Variants in CNTN5 observed in about 807,000 individuals in gnomAD.
CNTN5 encodes the protein contactin-5.
A neutral mutation model predicts 129.1 loss-of-function variants in CNTN5; 77 were observed. The ratio of observed to expected loss-of-function variants is 0.60; its 90% confidence interval spans 0.50 to 0.72. CNTN5 has a LOEUF of 0.72. CNTN5 is among the 30% of genes least tolerant of loss of function. The pLI, the probability that CNTN5 is intolerant of heterozygous loss-of-function variation, is 0.00. For synonymous variants in CNTN5, 509 were observed against 465.6 expected (o/e 1.09, Z -1.20); for missense variants, 1,478 against 1,328.8 (o/e 1.11, Z -1.75).
intron 1 of CNTN5, among the ~76,000 whole-genome samples, chr11:99,053,522 A>G (rs777521348): frequency 2.6e-5 from 4 of 151,822 alleles, no homozygotes; most frequent in Non-Finnish European, 4.4e-5. Context: ...CAGCTGTGGG[A>G]TCCCTGGTCT....
At chr11:99,982,382 A>G (rs1291978840) in intron 8 of CNTN5, among the ~76,000 whole-genome samples, 6 of 152,222 alleles carry the variant, frequency 3.9e-5, no homozygotes, top group African/African-American at 7.2e-5. Flanking sequence ...ATATGAAGTC[A>G]AAGTATAGAA....
chr11:99,999,042 C>G (rs1178264771), intron 8 of CNTN5, among the ~76,000 whole-genome samples: 2 of 152,150 alleles, frequency 1.3e-5, no homozygotes, highest in South Asian at 2.1e-4. Context: ...AGACCTAAAA[C>G]CATAAAAACC....
At chr11:99,451,237 A>T (rs1292236691) in intron 2 of CNTN5, among the ~76,000 whole-genome samples, 5 of 152,148 alleles carry the variant, frequency 3.3e-5, no homozygotes, top group African/African-American at 1.2e-4. Context: ...TATTGCAAAT[A>T]GTTGTTTTCA....
intron 3 of CNTN5, among the ~76,000 whole-genome samples, chr11:99,642,679 C>A (rs1364403205): frequency 6.6e-6 from 1 of 152,108 alleles, no homozygotes; most frequent in African/African-American, 2.4e-5. Flanking sequence ...CGCTACTGTA[C>A]AGAACACCAA....
chr11:99,092,434 C>T (rs1171281140), intron 1 of CNTN5, among the ~76,000 whole-genome samples: 2 of 152,004 alleles, frequency 1.3e-5, no homozygotes, highest in African/African-American at 2.4e-5. Flanking sequence ...TAGTTTATCA[C>T]ACTTAAGAGT....
At chr11:99,180,988 C>T (rs1444090262) in intron 1 of CNTN5, among the ~76,000 whole-genome samples, 1 of 152,204 alleles carries the variant, frequency 6.6e-6, no homozygotes, top group Non-Finnish European at 1.5e-5. Context: ...CTTATAACAA[C>T]GTAAGTCCAG....
chr11:99,197,763 T>C (rs1858976571), intron 1 of CNTN5, among the ~76,000 whole-genome samples: 1 of 152,100 alleles, frequency 6.6e-6, no homozygotes, highest in Non-Finnish European at 1.5e-5. Flanking sequence ...GATTGAAGTT[T>C]ATCCCAATTC....
chr11:99,205,381 CAA>C (rs771831302), intron 1 of CNTN5, among the ~76,000 whole-genome samples: 61 of 152,110 alleles, frequency 4.0e-4, no homozygotes, highest in Non-Finnish European at 7.6e-4. Context: ...GGTTTGCTCT[CAA>C]GACCCAGAGC....
intron 15 of CNTN5, among the ~76,000 whole-genome samples, chr11:100,217,077 T>C (rs991035062): frequency 4.6e-5 from 7 of 152,176 alleles, no homozygotes; most frequent in Admixed American, 2.6e-4. Flanking sequence ...ACTAAAATCA[T>C]TTTTTTCTGC....
At chr11:99,573,565 C>A (rs73539123) in intron 3 of CNTN5, among the ~76,000 whole-genome samples, 8,801 of 141,332 alleles carry the variant, frequency 0.062, 539 homozygotes, top group East Asian at 0.3. Context: ...CAGAGTGAGA[C>A]TCCGTCTCAA....
At chr11:100,260,379 G>T (rs961349614) in intron 17 of CNTN5, among the ~76,000 whole-genome samples, 10 of 152,182 alleles carry the variant, frequency 6.6e-5, no homozygotes, top group Non-Finnish European at 1.5e-4. Flanking sequence ...AAGAGGAGAT[G>T]GTACCATTCC....
At chr11:99,583,118 A>G (rs983976918) in intron 3 of CNTN5, among the ~76,000 whole-genome samples, 3 of 152,208 alleles carry the variant, frequency 2.0e-5, no homozygotes, top group Admixed American at 6.5e-5. Flanking sequence ...GGGTATCAGC[A>G]GCGCTGGCTG....
intron 16 of CNTN5, among the ~76,000 whole-genome samples, chr11:100,250,430 G>GGA (rs1001481008): frequency 5.3e-5 from 8 of 151,208 alleles, no homozygotes; most frequent in Admixed American, 5.3e-4. Context: ...TATTTATTGA[G>GGA]GGTCTAATTG....
rs79776939 is a variant in CNTN5 at position 100,174,209 on chromosome 11, T to A, written c.1581-16917T>A. ...CTCCAGTAAGTCAGAAACAAGGATA[T>A]GGATATCAGAGATACGTAAAACGTG... On this transcript the variant is annotated intron_variant, in intron 13 of 24. Coordinates refer to ENST00000524871, the MANE Select transcript of CNTN5 (RefSeq NM_014361.4). Among the ~76,000 whole-genome samples, 777 of 152,170 alleles carry A rather than the reference T, an allele frequency of 5.1e-3. 7 individuals are homozygous for A. The highest frequency in any genetic ancestry group is 0.017 in the African/African-American group (717 of 41,538).
At chr11:100,158,470 G>A (rs1233583250) in intron 13 of CNTN5, among the ~76,000 whole-genome samples, 1 of 151,582 alleles carries the variant, frequency 6.6e-6, no homozygotes, top group Non-Finnish European at 1.5e-5. Context: ...TGTTTACTTT[G>A]AATATATACC....
At chr11:99,636,782 A>C (rs1951571837) in intron 3 of CNTN5, among the ~76,000 whole-genome samples, 1 of 92,294 alleles carries the variant, frequency 1.1e-5, no homozygotes, top group African/African-American at 3.2e-5. Flanking sequence ...TGGGAGGCCA[A>C]GGTGGGGGGA....
chr11:99,984,063 T>A (rs1456351568), intron 8 of CNTN5, among the ~76,000 whole-genome samples: 2 of 151,558 alleles, frequency 1.3e-5, no homozygotes, highest in Non-Finnish European at 2.9e-5. Flanking sequence ...AGGTCAGGAG[T>A]TTGAGACCAG....
At position 100,297,206 on chromosome 11, in the gene CNTN5, G is replaced by A. The variant is rs140703019; in HGVS notation, c.2315-419G>A. On this transcript the variant is annotated intron_variant, in intron 18 of 24. Coordinates refer to ENST00000524871, the MANE Select transcript of CNTN5 (RefSeq NM_014361.4). ...AAAGAAATGTACTGAAGCTTCCTGG[G>A]GGTTCTGGTAAGGCAGTAATGCTAA... Among the ~76,000 whole-genome samples, 1,350 of 151,474 alleles carry A rather than the reference G, an allele frequency of 8.9e-3. 13 individuals carry two copies. The highest frequency in any genetic ancestry group is 0.015 in the Non-Finnish European group (1,015 of 67,598).
intron 1 of CNTN5, among the ~76,000 whole-genome samples, chr11:99,161,805 T>C (rs188174336): frequency 2.6e-4 from 40 of 152,308 alleles, no homozygotes; most frequent in African/African-American, 9.6e-4. Flanking sequence ...ATTCTGAGGA[T>C]GTTTAGAACA....
Sources: allele counts gnomAD v4.1 joint callset (sites outside exome capture counted in the v4.1 genomes callset), GRCh38; gene constraint gnomAD v4.1.1; transcripts MANE v1.5; gene names NCBI Gene and HGNC (gene_info 2026-07-23, HGNC 2026-07-21).